NPAT: variants seen among roughly 807,000 people sequenced by gnomAD.
The protein encoded by NPAT is nuclear protein, coactivator of histone transcription.
In NPAT, 52 loss-of-function variants were observed where a neutral mutation model predicts 130.7. That is an observed-to-expected ratio of 0.40 (90% CI 0.32 to 0.50). The LOEUF is 0.50. Among genes scored for constraint, NPAT ranks in the 20% least tolerant of loss-of-function variants. NPAT has a pLI of 0.68. For synonymous variants in NPAT, 580 were observed against 584.8 expected, an observed-to-expected ratio of 0.99 and a Z score of 0.12; for missense variants, 1,687 against 1,662.6, an observed-to-expected ratio of 1.01 and a Z score of -0.26.
chr11:108,158,902 T>G lies in NPAT; in HGVS notation c.*40A>C. ...TTCCCTACACTCAGTTTAAGGGATA[T>G]GAGTTTTTAACACCTACTGTTCTTA... On this transcript the variant is annotated 3_prime_UTR_variant, in exon 18 of 18. Transcript: ENST00000278612. 18 of 1,186,354 alleles carry G rather than the reference T, an allele frequency of 1.5e-5. No homozygotes were observed. The highest frequency in any genetic ancestry group is 1.9e-5 in the Non-Finnish European group (15 of 794,658). The allele number at this position is 1,186,354 out of a possible 1,614,324, so 73.5% of individuals were successfully genotyped here.
At position 108,197,327 on chromosome 11, in the gene NPAT, TCATCTGTA is replaced by T. The variant is rs765651657; in HGVS notation, c.123_130del (p.Cys41Ter). On this transcript the variant is annotated stop_gained and frameshift_variant, in exon 2 of 18. Transcript: ENST00000278612. LOFTEE classifies it high-confidence loss of function. ...CAGTAAGCAGGCTGGAATAAACCCT[TCATCTGTA>T]CAATGTTCTGCATATTCTTTTAAAT... 6.2e-7 allele frequency: 1 copy of T among 1,609,402 alleles called. No homozygotes were observed. The highest frequency in any genetic ancestry group is 8.5e-7 in the Non-Finnish European group (1 of 1,175,724).
At chr11:108,172,154 A>T in intron 13 of NPAT, 45 bp downstream of exon 13, 1 of 1,536,992 alleles carries the variant, frequency 6.5e-7, no homozygotes, top group East Asian at 2.2e-5. Flanking sequence ...AAGAAATTAG[A>T]TCCCAACCCA....
intron 1 of NPAT, among the ~76,000 whole-genome samples, chr11:108,219,413 T>TTTCTCTCACCAGTGTAAACGAA (rs1466056654): frequency 6.6e-6 from 1 of 152,204 alleles, no homozygotes; most frequent in Non-Finnish European, 1.5e-5. Context: ...CGTCTTAGCT[T>TTTCTCTCACCAGTGTAAACGAA]TTCTCTCACC....
At chr11:108,221,973 T>A (rs2078511332) in intron 1 of NPAT, among the ~76,000 whole-genome samples, 1 of 152,176 alleles carries the variant, frequency 6.6e-6, no homozygotes, top group East Asian at 1.9e-4. Flanking sequence ...ACCTCTACAC[T>A]GGACGACGTA....
At chr11:108,183,888 A>ACTTGAG (rs1047253588) in intron 10 of NPAT, among the ~76,000 whole-genome samples, 4 of 151,422 alleles carry the variant, frequency 2.6e-5, no homozygotes, top group Non-Finnish European at 1.5e-5. Context: ...TGGGAGTATC[A>ACTTGAG]CTTGAGCTGG....
rs746451358 is a variant in NPAT at position 108,194,033 on chromosome 11, T to C, written c.157-16A>G. The C allele has an allele frequency of 2.3e-5, 31 of 1,334,498 alleles. No homozygotes were observed. The highest frequency in any genetic ancestry group is 3.6e-4 in the Middle Eastern group (2 of 5,538). The allele number at this position is 1,334,498 out of a possible 1,614,324, so 82.7% of individuals were successfully genotyped here. A position where few individuals can be genotyped will look rare whatever the true frequency, so the allele number is the denominator to read the frequency against. On this transcript the variant is annotated splice_polypyrimidine_tract_variant and intron_variant, in intron 2 of 17. Transcript: ENST00000278612. ...CAAATAAGGACTGAAAAGAAAAAGA[T>C]CAAATATTACCAAAATTGTATAATA... is the stretch of plus-strand genomic sequence containing the variant.
intron 12 of NPAT, among the ~76,000 whole-genome samples, chr11:108,175,449 T>C (rs1158035954): frequency 2.0e-5 from 3 of 152,160 alleles, no homozygotes; most frequent in Admixed American, 6.5e-5. Context: ...GTAGAAATTG[T>C]ATAGAGGCCA....
intron 12 of NPAT, among the ~76,000 whole-genome samples, chr11:108,174,255 C>CA (rs2134839151): frequency 6.6e-6 from 1 of 152,288 alleles, no homozygotes; most frequent in Admixed American, 6.5e-5. Flanking sequence ...GGATCACAGG[C>CA]ATGAGCCACC....
rs1301947261 is a variant in NPAT, at chr11:108,158,099, C to A, written c.*843G>T. The A allele has an allele frequency of 6.6e-6, 1 of 152,370 alleles. No homozygotes were observed. The highest frequency in any genetic ancestry group is 1.9e-4 in the East Asian group (1 of 5,194). 9.4% of individuals were successfully genotyped at this position (152,370 alleles called of 1,614,324 possible). ...TAAATTATATGTGCATTGGTCACTA[C>A]AATGTAAAGAGTTCTATGAATTAGT... On this transcript the variant is annotated 3_prime_UTR_variant, in exon 18 of 18. Coordinates refer to ENST00000278612, the MANE Select transcript of NPAT (RefSeq NM_002519.3).
intron 1 of NPAT, among the ~76,000 whole-genome samples, chr11:108,215,798 A>G (rs2078431126): frequency 6.6e-6 from 1 of 152,244 alleles, no homozygotes; most frequent in African/African-American, 2.4e-5. Flanking sequence ...AATAAGAAGA[A>G]ACAAACAAAT....
At position 108,197,381 on chromosome 11, in the gene NPAT, G is replaced by T. The variant is rs955234581; in HGVS notation, c.77C>A (p.Thr26Asn). 1 of 1,613,054 alleles carries T rather than the reference G, an allele frequency of 6.2e-7. No homozygotes were observed. The change falls in exon 2 of 18, where the codon ACT becomes AAT. Residue 26 changes from threonine to asparagine, a missense_variant. Thr to Asn is a moderately conservative substitution (Grantham distance 65, BLOSUM62 0). This residue lies in a region of NPAT where 307 missense variants were observed against 298.9 expected (regional missense o/e 1.03). Transcript: ENST00000278612. ...TAAATCTGAACTTTCCAAAATAAAAGTCTGGCAGGTAGAAATGAGGTTTTC... is the reference window on the plus strand; with the variant it reads ...TAAATCTGAACTTTCCAAAATAAAATTCTGGCAGGTAGAAATGAGGTTTTC... ...QQENLISTCQ[T>N]FILESSDLKE...
rs537277923 is a variant in NPAT at position 108,188,530 on chromosome 11, A to G, written c.557-351T>C. Among the ~76,000 whole-genome samples the G allele has an allele frequency of 1.2e-4, 19 of 152,330 alleles. No individual in the cohort carries two copies. In the South Asian group the frequency reaches 3.5e-3, roughly 28 times the overall value. ...ATGGCAACAAATTTTAGCTGCACAGAAAGATAATTGGTTTGTGAACTGAGA... is the reference window on the plus strand; with the variant it reads ...ATGGCAACAAATTTTAGCTGCACAGGAAGATAATTGGTTTGTGAACTGAGA... On this transcript the variant is annotated intron_variant, in intron 6 of 17. Transcript: ENST00000278612.
In NPAT at chr11:108,158,113, C is replaced by A. The variant is rs2077812750; in HGVS notation, c.*829G>T. 1 of 152,432 alleles carries A rather than the reference C, an allele frequency of 6.6e-6. No homozygotes were observed. The allele number at this position is 152,432 out of a possible 1,614,324, so 9.4% of individuals were successfully genotyped here. A position where few individuals can be genotyped will look rare whatever the true frequency, so the allele number is the denominator to read the frequency against. On this transcript the variant is annotated 3_prime_UTR_variant, in exon 18 of 18. Coordinates refer to ENST00000278612, the MANE Select transcript of NPAT (RefSeq NM_002519.3). ...ATTGGTCACTACAATGTAAAGAGTT[C>A]TATGAATTAGTGCAATTCTTTAAAT... is the stretch of plus-strand genomic sequence containing the variant.
chr11:108,161,709 T>C lies in NPAT; in HGVS notation c.3377A>G (p.Lys1126Arg), dbSNP rs1318944598. 1 of 1,613,868 alleles carries C rather than the reference T, an allele frequency of 6.2e-7. No individual in the cohort carries two copies. Among genetic ancestry groups the C allele is most frequent in the Admixed American group, 1.7e-5 (1 of 59,990 alleles). ...KREKEKPPLP[K>R]ILSKSESAIS... ...GGCACTTTCCGATTTAGATAAAATC[T>C]TAGGCAGAGGAGGCTTCTCTTTCTC... The change falls in exon 17 of 18, where the codon AAG becomes AGG. Residue 1126 changes from lysine (K) to arginine (R), a missense_variant. Coordinates refer to ENST00000278612, the MANE Select transcript of NPAT (RefSeq NM_002519.3).
At chr11:108,212,449 C>T (rs554088704) in intron 1 of NPAT, among the ~76,000 whole-genome samples, 42 of 150,708 alleles carry the variant, frequency 2.8e-4, no homozygotes, top group African/African-American at 9.3e-4. Flanking sequence ...TGCTTGAATC[C>T]GGGAGGTGGA....
intron 10 of NPAT, among the ~76,000 whole-genome samples, chr11:108,182,306 G>A (rs1021800890): frequency 6.6e-6 from 1 of 152,164 alleles, no homozygotes; most frequent in African/African-American, 2.4e-5. Context: ...TGTCAAAGAA[G>A]AGTGAGAGCT....
At position 108,161,334 on chromosome 11, in the gene NPAT, T is replaced by C; in HGVS notation, c.3752A>G (p.Gln1251Arg). The change falls in exon 17 of 18, where the codon CAG (glutamine) becomes CGG (arginine). Residue 1251 changes from glutamine to arginine, a missense_variant. Physicochemically the swap from Gln to Arg is conservative, Grantham distance 43. This residue lies in a region of NPAT where 1,379 missense variants were observed against 1,346.6 expected (regional missense o/e 1.02). Coordinates refer to ENST00000278612, the MANE Select transcript of NPAT (RefSeq NM_002519.3). ...AAGCCTACTTACTGAGCTGTGCCTCTGTATATCCTGTAACATTTCTGTGGT... is the reference window on the plus strand; with the variant it reads ...AAGCCTACTTACTGAGCTGTGCCTCCGTATATCCTGTAACATTTCTGTGGT... ...LITTEMLQDI[Q>R]RHSSVSRLAD... 6.2e-7 allele frequency: 1 copy of C among 1,614,214 alleles called. No homozygotes were observed. The highest frequency in any genetic ancestry group is 8.5e-7 in the Non-Finnish European group (1 of 1,180,020).
Position 108,161,211 on chromosome 11 carries a change from C to T in NPAT, c.3875G>A (p.Ser1292Asn). Reference sequence around the variant, plus strand: ...ACTACTGTCTTCACTGAAACGCCTACTAGAGGGGGCCTTGATAATATCTAT... The same window carrying T: ...ACTACTGTCTTCACTGAAACGCCTATTAGAGGGGGCCTTGATAATATCTAT... The part of the protein sequence containing the change: ...EPIDIIKAPS[S>N]RRFSEDSSTS... The change falls in exon 17 of 18, where the codon AGT becomes AAT. Residue 1292 changes from serine to asparagine, a missense_variant. Physicochemically the swap from Ser to Asn is conservative, Grantham distance 46. Around this residue, in one of 3 missense-constraint regions of NPAT, gnomAD observed 1,379 missense variants for 1,346.6 expected, o/e 1.02. Coordinates refer to ENST00000278612, the MANE Select transcript of NPAT (RefSeq NM_002519.3). The T allele has an allele frequency of 2.5e-6, 4 of 1,614,166 alleles. No individual in the cohort carries two copies. The African/African-American group carries it at 4.0e-5, about 16-fold the overall frequency.
chr11:108,169,828 G>A lies in NPAT; in HGVS notation c.2926C>T (p.Pro976Ser). ...RQVLHMPLTA[P>S]VCNRSIPQFP... ...TGAGGGATACTTCTATTGCATACAG[G>A]TGCTGTCAAAGGCATATGAAGAACC... Residue 976 changes from proline (P) to serine (S), a missense_variant, in exon 15 of 18, where the codon CCT becomes TCT. Pro to Ser is a moderately conservative substitution (Grantham distance 74). Transcript: ENST00000278612. The A allele has an allele frequency of 6.2e-7, 1 of 1,613,954 alleles. No individual in the cohort carries two copies. Among genetic ancestry groups the A allele is most frequent in the Non-Finnish European group, 8.5e-7 (1 of 1,179,860 alleles).
Sources: allele counts gnomAD v4.1 joint callset (sites outside exome capture counted in the v4.1 genomes callset), GRCh38; gene constraint gnomAD v4.1.1; regional missense constraint gnomAD v4.1.1; transcripts MANE v1.5; gene names NCBI Gene and HGNC (gene_info 2026-07-23, HGNC 2026-07-21).